OR2AT4: variants seen among roughly 807,000 people sequenced by gnomAD.
OR2AT4 encodes olfactory receptor 2AT4.
OR2AT4 carries 6 observed loss-of-function variants against 10.3 expected under a neutral mutation model. The ratio of observed to expected loss-of-function variants is 0.58; its 90% CI spans 0.32 to 1.15. The LOEUF (loss-of-function observed/expected upper bound fraction) is 1.15. Among genes scored for constraint, OR2AT4 ranks in the 50% most tolerant of loss-of-function variants. The probability of loss-of-function intolerance (pLI) is 0.05; values close to 1 mark genes in which losing one functional copy is unlikely to be tolerated. For missense variants in OR2AT4, 354 were observed against 393.8 expected, an observed-to-expected ratio of 0.90 and a Z score of 0.85; for synonymous variants, 145 against 159.1, an observed-to-expected ratio of 0.91 and a Z score of 0.67.
intron 1 of OR2AT4, among the ~76,000 whole-genome samples, chr11:75,092,774 CA>C (rs1482513046): frequency 1.3e-5 from 2 of 148,924 alleles, no homozygotes; most frequent in Non-Finnish European, 3.0e-5. Flanking sequence ...CCTGTCTCTA[CA>C]AAAAAATTTA....
exon 2 of OR2AT4, chr11:75,089,472 G>A (rs748282068): frequency 7.4e-6 from 12 of 1,614,126 alleles, no homozygotes; most frequent in Non-Finnish European, 1.0e-5. Flanking sequence ...GGGGACAGTG[G>A]TTGTGGTGAA....
intron 1 of OR2AT4, among the ~76,000 whole-genome samples, chr11:75,093,987 T>A (rs1949333961): frequency 6.6e-6 from 1 of 151,682 alleles, no homozygotes; most frequent in African/African-American, 2.4e-5. Flanking sequence ...CATGCCCAGC[T>A]AGTTTTTGTA....
exon 2 of OR2AT4, chr11:75,084,659 T>C (rs1949281568): frequency 6.6e-6 from 1 of 152,164 alleles, no homozygotes; most frequent in Non-Finnish European, 1.5e-5. Flanking sequence ...AAAAGCTTTT[T>C]AAACAATAGT....
At chr11:75,093,789 CTTT>C (rs1226154229) in intron 1 of OR2AT4, among the ~76,000 whole-genome samples, 17 of 114,358 alleles carry the variant, frequency 1.5e-4, no homozygotes, top group African/African-American at 4.3e-4. Context: ...TTTCTCTTTT[CTTT>C]TTTTTCTTTT....
chr11:75,087,633 T>G (rs2140278603), exon 2 of OR2AT4: 1 of 152,326 alleles, frequency 6.6e-6, no homozygotes, highest in East Asian at 1.9e-4. Flanking sequence ...CAATGTAGTT[T>G]AAGATGTGAT....
At chr11:75,088,789 T>A in exon 2 of OR2AT4, 1 of 1,584,596 alleles carries the variant, frequency 6.3e-7, no homozygotes. Flanking sequence ...TGAGACATGA[T>A]TTTGGTGATG....
chr11:75,089,057 C>T (rs889953815), exon 2 of OR2AT4: 5 of 1,613,852 alleles, frequency 3.1e-6, no homozygotes, highest in Non-Finnish European at 4.2e-6. Flanking sequence ...AGGAGAGAAG[C>T]ACCAGGAGAA....
chr11:75,083,385 AAAG>A (rs1300277651), exon 2 of OR2AT4: 8 of 152,298 alleles, frequency 5.3e-5, no homozygotes, highest in African/African-American at 1.7e-4. Context: ...CATTAAAGTC[AAAG>A]AAGAACAGGT....
intron 1 of OR2AT4, among the ~76,000 whole-genome samples, chr11:75,093,797 TCTTTTTC>T (rs1565515283): frequency 2.8e-5 from 3 of 108,862 alleles, no homozygotes; most frequent in Non-Finnish European, 3.4e-5. Flanking sequence ...TTCTTTTTTT[TCTTTTTC>T]TTTTTCTTTT....
At chr11:75,094,398 G>A (rs908311857) in intron 1 of OR2AT4, among the ~76,000 whole-genome samples, 2 of 152,196 alleles carry the variant, frequency 1.3e-5, no homozygotes, top group Non-Finnish European at 2.9e-5. Context: ...AGTTTCCTAA[G>A]TGTGGGGTGG....
chr11:75,096,595 T>C (rs985622339), intron 1 of OR2AT4, among the ~76,000 whole-genome samples: 1 of 152,156 alleles, frequency 6.6e-6, no homozygotes, highest in Non-Finnish European at 1.5e-5. Flanking sequence ...TGTGAGGAAT[T>C]CTCTTCCAAG....
intron 1 of OR2AT4, among the ~76,000 whole-genome samples, chr11:75,094,738 AC>A (rs1456984905): frequency 6.6e-6 from 1 of 152,104 alleles, no homozygotes; most frequent in Non-Finnish European, 1.5e-5. Context: ...ACAGAGGGAG[AC>A]CCTGTCTTTT....
exon 2 of OR2AT4, chr11:75,086,039 T>C (rs1234967414): frequency 6.6e-6 from 1 of 152,122 alleles, no homozygotes; most frequent in Non-Finnish European, 1.5e-5. Context: ...TACACACAAA[T>C]ATAATCAACT....
At chr11:75,087,850 A>C (rs1949297700) in exon 2 of OR2AT4, 1 of 152,132 alleles carries the variant, frequency 6.6e-6, no homozygotes, top group Non-Finnish European at 1.5e-5. Flanking sequence ...ATATGTCTAG[A>C]CTTGCTTCCA....
At chr11:75,094,962 T>G (rs1475245196) in intron 1 of OR2AT4, among the ~76,000 whole-genome samples, 1 of 152,126 alleles carries the variant, frequency 6.6e-6, no homozygotes, top group African/African-American at 2.4e-5. Context: ...CAAACTACCT[T>G]ATTCTGAACG....
chr11:75,083,512 C>T (rs1397489432), exon 2 of OR2AT4: 2 of 152,118 alleles, frequency 1.3e-5, no homozygotes, highest in African/African-American at 4.8e-5. Context: ...TAAAATAGAG[C>T]TATCATTTGA....
chr11:75,092,928 C>T (rs941330157), intron 1 of OR2AT4, among the ~76,000 whole-genome samples: 8 of 151,948 alleles, frequency 5.3e-5, no homozygotes, highest in Admixed American at 2.6e-4. Context: ...GGTGAAACCT[C>T]GTCCGTACTA....
At chr11:75,087,695 T>C (rs1949297163) in exon 2 of OR2AT4, 2 of 152,264 alleles carry the variant, frequency 1.3e-5, no homozygotes. Flanking sequence ...CAAAACATTG[T>C]GTAAAAGTCA....
intron 1 of OR2AT4, among the ~76,000 whole-genome samples, chr11:75,095,259 G>T (rs1949341440): frequency 6.6e-6 from 1 of 152,184 alleles, no homozygotes; most frequent in African/African-American, 2.4e-5. Flanking sequence ...TGATTCCTTA[G>T]CCTGCTATTC....
Sources: allele counts gnomAD v4.1 joint callset (sites outside exome capture counted in the v4.1 genomes callset), GRCh38; gene constraint gnomAD v4.1.1; transcripts MANE v1.5; gene names NCBI Gene and HGNC (gene_info 2026-07-23, HGNC 2026-07-21).